Variants in ST3GAL1 observed in about 807,000 individuals in gnomAD.
ST3GAL1 encodes the protein CMP-N-acetylneuraminate-beta-galactosamide-alpha-2,3-sialyltransferase 1.
Under a neutral mutation model 34.1 loss-of-function variants are expected in ST3GAL1, and 16 were observed. The ratio of observed to expected loss-of-function variants is 0.47; its 90% confidence interval spans 0.32 to 0.71. ST3GAL1 has a LOEUF of 0.71. Among genes scored for constraint, ST3GAL1 ranks in the 30% least tolerant of loss-of-function variants. The probability of loss-of-function intolerance (pLI) is 0.04; values close to 1 mark genes in which losing one functional copy is unlikely to be tolerated. For synonymous variants in ST3GAL1, 191 were observed against 184.7 expected (o/e 1.03, Z -0.28); for missense variants, 353 against 447.4 (o/e 0.79, Z 1.90).
chr8:133,510,059 CAAAAA>C (rs61402942), intron 2 of ST3GAL1, among the ~76,000 whole-genome samples: 4 of 120,210 alleles, frequency 3.3e-5, no homozygotes, highest in South Asian at 2.8e-4. Flanking sequence ...AACTCTGTCT[CAAAAA>C]AAAAAAAAAA....
At chr8:133,470,130 A>T (rs1167194547) in intron 5 of ST3GAL1, among the ~76,000 whole-genome samples, 1 of 152,142 alleles carries the variant, frequency 6.6e-6, no homozygotes, top group African/African-American at 2.4e-5. Flanking sequence ...TAAAAGAACA[A>T]CAGTGCTGGC....
At chr8:133,549,304 A>G (rs1818756592) in intron 1 of ST3GAL1, among the ~76,000 whole-genome samples, 1 of 151,900 alleles carries the variant, frequency 6.6e-6, no homozygotes, top group South Asian at 2.1e-4. Context: ...CGGGAGGCTG[A>G]GGCAGGAGAA....
In ST3GAL1 at chr8:133,466,154, C is replaced by T; in HGVS notation, c.307-64G>A. The T allele has an allele frequency of 2.0e-6, 3 of 1,522,066 alleles. No individual in the cohort carries two copies. Among genetic ancestry groups the T allele is most frequent in the South Asian group, 2.5e-5 (2 of 79,992 alleles). The allele number at this position is 1,522,066 out of a possible 1,614,324, so 94.3% of individuals were successfully genotyped here. Reference sequence around the variant, plus strand: ...TGGCTCCAGCCTCCTGGCAGCAGAGCCCCTGAGCTACCTGCTGTCGTTTAC... The same window carrying T: ...TGGCTCCAGCCTCCTGGCAGCAGAGTCCCTGAGCTACCTGCTGTCGTTTAC... On this transcript the variant is annotated intron_variant, in intron 5 of 9. Coordinates refer to ENST00000522652, the MANE Select transcript of ST3GAL1 (RefSeq NM_173344.3). This position sits in a 1 kb window ranked among gnomAD's most constrained non-coding sequence, Gnocchi z 4.4.
At chr8:133,497,484 T>C (rs940821864) in intron 3 of ST3GAL1, among the ~76,000 whole-genome samples, 1 of 134,364 alleles carries the variant, frequency 7.4e-6, no homozygotes, top group African/African-American at 2.9e-5. Flanking sequence ...TTTTTTTTTT[T>C]TTGTGAGACG....
intron 1 of ST3GAL1, among the ~76,000 whole-genome samples, chr8:133,555,176 C>T (rs774982653): frequency 4.6e-5 from 7 of 152,178 alleles, no homozygotes; most frequent in Non-Finnish European, 7.3e-5. Flanking sequence ...GAGCTTCACT[C>T]CTCTGCCTTT....
At chr8:133,464,746 A>G in intron 7 of ST3GAL1, 32 bp downstream of exon 7, 3 of 1,595,880 alleles carry the variant, frequency 1.9e-6, no homozygotes, top group Non-Finnish European at 2.6e-6. Flanking sequence ...CAAGGGGCAG[A>G]GCAGCGAGGC....
chr8:133,468,035 G>T (rs1045215654), intron 5 of ST3GAL1, among the ~76,000 whole-genome samples: 1 of 152,118 alleles, frequency 6.6e-6, no homozygotes, highest in East Asian at 1.9e-4. Context: ...ATGTAAAACC[G>T]TGCAGCCGAG....
chr8:133,553,896 A>G (rs1247828211), intron 1 of ST3GAL1, among the ~76,000 whole-genome samples: 3 of 152,182 alleles, frequency 2.0e-5, no homozygotes, highest in Admixed American at 2.0e-4. Flanking sequence ...GAGGCCTCAC[A>G]GTGAGGGTCC....
At chr8:133,476,843 C>T (rs1816200985) in intron 3 of ST3GAL1, among the ~76,000 whole-genome samples, 1 of 152,220 alleles carries the variant, frequency 6.6e-6, no homozygotes, top group Non-Finnish European at 1.5e-5. Flanking sequence ...ATGTTTCCAA[C>T]AAGAACCTAG....
chr8:133,483,084 G>A (rs1366369312), intron 3 of ST3GAL1, among the ~76,000 whole-genome samples: 1 of 152,206 alleles, frequency 6.6e-6, no homozygotes, highest in South Asian at 2.1e-4. Flanking sequence ...GCTCACGCCT[G>A]TAATCCCAGC....
Position 133,469,104 on chromosome 8 carries a change from G to A in ST3GAL1, c.307-3014C>T, listed in dbSNP as rs577278734. ...CCAGGACTCAAGCTCGGCCATGGAC[G>A]TGTGTGGAGAGTATGCTGCCTGCTT... On this transcript the variant is annotated intron_variant, in intron 5 of 9. Coordinates refer to ENST00000522652, the MANE Select transcript of ST3GAL1 (RefSeq NM_173344.3). This position sits in a 1 kb window ranked among gnomAD's most constrained non-coding sequence, Gnocchi z 4.3. 4.6e-5 allele frequency among the ~76,000 whole-genome samples: 7 copies of A among 152,352 alleles called. No homozygotes were observed. Among genetic ancestry groups the A allele is most frequent in the Admixed American group, 1.3e-4 (2 of 15,304 alleles).
intron 3 of ST3GAL1, among the ~76,000 whole-genome samples, chr8:133,481,089 A>C (rs1394821148): frequency 6.6e-6 from 1 of 150,540 alleles, no homozygotes; most frequent in Non-Finnish European, 1.5e-5. Flanking sequence ...TCTATTGTCT[A>C]TTTTCTCGGT....
At chr8:133,465,064 C>T (rs1167643839) in intron 6 of ST3GAL1, 107 bp from the exon 7 acceptor site, 5 of 1,129,666 alleles carry the variant, frequency 4.4e-6, no homozygotes, top group Non-Finnish European at 6.3e-6. Context: ...AGGGGTGTCA[C>T]CTGCCTTCCC....
intron 7 of ST3GAL1, 135 bp downstream of exon 7, chr8:133,464,643 G>T: frequency 1.1e-6 from 1 of 929,476 alleles, no homozygotes; most frequent in Non-Finnish European, 1.6e-6. Context: ...ACGGGAACTG[G>T]GCTTGTGTGT....
rs558398674 is a variant in ST3GAL1 at position 133,461,328 on chromosome 8, C to G, written c.849+547G>C. Among the ~76,000 whole-genome samples the G allele has an allele frequency of 6.6e-6, 1 of 152,266 alleles. No homozygotes were observed. Among genetic ancestry groups the G allele is most frequent in the East Asian group, 1.9e-4 (1 of 5,174 alleles). On this transcript the variant is annotated intron_variant, in intron 9 of 9. Transcript: ENST00000522652. This position sits in a 1 kb window ranked among gnomAD's most constrained non-coding sequence, Gnocchi z 4.7. ...CCCCTCTTCCTGGGGTGGCAGCAAA[C>G]CTCTCAGAGCATAAGTGGAAACCCG...
Position 133,475,822 on chromosome 8 carries a change from C to T in ST3GAL1, c.203G>A (p.Arg68His), listed in dbSNP as rs752323776. The change falls in exon 5 of 10, where the codon CGC becomes CAC. Residue 68 changes from arginine (R) to histidine (H), a missense_variant. Arg to His is a conservative substitution (Grantham distance 29). Coordinates refer to ENST00000522652, the MANE Select transcript of ST3GAL1 (RefSeq NM_173344.3). ...CTCATCGAACCAGGCCGAGAGCTTG[C>T]GCTGCCCGATGCAGTGGGTGCAGGT... ...PCTCTHCIGQ[R>H]KLSAWFDERF... 55 of 1,614,032 alleles carry T rather than the reference C, an allele frequency of 3.4e-5. 1 individual carries two copies. Among genetic ancestry groups the T allele is most frequent in the Non-Finnish European group, 4.2e-5 (49 of 1,180,044 alleles).
chr8:133,561,046 G>A (rs1349465023), intron 1 of ST3GAL1, among the ~76,000 whole-genome samples: 1 of 149,610 alleles, frequency 6.7e-6, no homozygotes, highest in Non-Finnish European at 1.5e-5. Flanking sequence ...AAGTTTTCTA[G>A]AAAATGCAAT....
intron 1 of ST3GAL1, among the ~76,000 whole-genome samples, chr8:133,563,091 C>T (rs1302500143): frequency 6.6e-6 from 1 of 151,854 alleles, no homozygotes; most frequent in Non-Finnish European, 1.5e-5. Flanking sequence ...ACTTTTTAGC[C>T]ACTCTGGTGT....
chr8:133,560,260 T>C (rs1563743417), intron 1 of ST3GAL1, among the ~76,000 whole-genome samples: 1 of 145,106 alleles, frequency 6.9e-6, no homozygotes, highest in African/African-American at 2.5e-5. Flanking sequence ...TCAGTTTTAC[T>C]AAAAAAAAAA....
Sources: gnomAD v4.1 joint callset for allele counts (sites outside exome capture counted in the v4.1 genomes callset) on GRCh38, gnomAD v4.1.1 for gene constraint, Gnocchi (gnomAD v3.1) non-coding constraint, MANE v1.5 for transcripts, NCBI Gene and HGNC (gene_info 2026-07-23, HGNC 2026-07-21) for gene names.